Variants in PDZRN3 observed in about 807,000 individuals in gnomAD.
PDZRN3 encodes the protein PDZ domain containing ring finger 3.
In PDZRN3, 38 loss-of-function variants were observed where a neutral mutation model predicts 85.7. The ratio of observed to expected loss-of-function variants is 0.44; its 90% confidence interval spans 0.34 to 0.58. PDZRN3 has a LOEUF of 0.58. PDZRN3 is among the 20% of genes least tolerant of loss of function. The pLI is 0.01. For missense variants in PDZRN3, 1,629 were observed against 1,506.4 expected, an observed-to-expected ratio of 1.08 and a Z score of -1.35; for synonymous variants, 759 against 638.0, an observed-to-expected ratio of 1.19 and a Z score of -2.86.
At chr3:73,544,096 C>T (rs1701359585) in intron 3 of PDZRN3, among the ~76,000 whole-genome samples, 1 of 152,126 alleles carries the variant, frequency 6.6e-6, no homozygotes, top group South Asian at 2.1e-4. Flanking sequence ...ACCTGTAATC[C>T]CAGCTACTCA....
intron 3 of PDZRN3, among the ~76,000 whole-genome samples, chr3:73,463,768 C>T (rs1703153560): frequency 1.3e-5 from 2 of 152,218 alleles, no homozygotes; most frequent in South Asian, 2.1e-4. Context: ...TGGAATCAAC[C>T]TAAATGCCTA....
At chr3:73,618,349 G>C (rs961932566) in intron 1 of PDZRN3, among the ~76,000 whole-genome samples, 1 of 152,102 alleles carries the variant, frequency 6.6e-6, no homozygotes, top group African/African-American at 2.4e-5. Context: ...TTCAGAGAAG[G>C]GCACCGCCCC....
chr3:73,533,917 C>T (rs1371667193), intron 3 of PDZRN3, among the ~76,000 whole-genome samples: 1 of 151,980 alleles, frequency 6.6e-6, no homozygotes, highest in East Asian at 1.9e-4. Flanking sequence ...GTAGTCCCTA[C>T]CCCCAATTCC....
At chr3:73,559,327 G>A (rs1290323010) in intron 3 of PDZRN3, among the ~76,000 whole-genome samples, 1 of 151,960 alleles carries the variant, frequency 6.6e-6, no homozygotes, top group Non-Finnish European at 1.5e-5. Flanking sequence ...TTTTGTTTCT[G>A]GTGCCATTTT....
intron 3 of PDZRN3, among the ~76,000 whole-genome samples, chr3:73,465,824 T>C (rs972984832): frequency 3.3e-5 from 5 of 152,258 alleles, no homozygotes; most frequent in Non-Finnish European, 2.9e-5. Flanking sequence ...ATAAGTTTTG[T>C]TGGTCACTAG....
chr3:73,477,335 T>C (rs1455625857), intron 3 of PDZRN3, among the ~76,000 whole-genome samples: 1 of 152,146 alleles, frequency 6.6e-6, no homozygotes, highest in African/African-American at 2.4e-5. Context: ...AAAATATAAA[T>C]TCCGGGTCTC....
chr3:73,495,090 G>C (rs538568464), intron 3 of PDZRN3, among the ~76,000 whole-genome samples: 1 of 152,228 alleles, frequency 6.6e-6, no homozygotes, highest in Non-Finnish European at 1.5e-5. Context: ...TGGGTGACGG[G>C]ATCAAGCATA....
intron 3 of PDZRN3, among the ~76,000 whole-genome samples, chr3:73,418,261 T>C (rs1702131430): frequency 6.6e-6 from 1 of 152,166 alleles, no homozygotes; most frequent in Non-Finnish European, 1.5e-5. Context: ...ACACCTGACT[T>C]ATACATAGGA....
intron 3 of PDZRN3, among the ~76,000 whole-genome samples, chr3:73,406,990 C>T (rs1013860766): frequency 6.6e-6 from 1 of 152,220 alleles, no homozygotes; most frequent in African/African-American, 2.4e-5. Flanking sequence ...GCTAAAAGAA[C>T]TCTTTGTTAC....
At chr3:73,470,555 C>G (rs532661752) in intron 3 of PDZRN3, among the ~76,000 whole-genome samples, 2 of 152,260 alleles carry the variant, frequency 1.3e-5, no homozygotes, top group South Asian at 4.1e-4. Context: ...TGTAACTTTC[C>G]AAAGCCTAAT....
intron 9 of PDZRN3, 130 bp from the exon 10 acceptor site, chr3:73,385,060 CAGT>C: frequency 9.6e-7 from 1 of 1,039,534 alleles, no homozygotes; most frequent in African/African-American, 1.6e-5. Context: ...CAGCATCTGA[CAGT>C]AGGACCACGT....
Position 73,385,768 on chromosome 3 carries a change from C to T in PDZRN3, c.1536G>A (p.Met512Ile), listed in dbSNP as rs778634013. ...RPELQLDEGWMDDDRNDFLDD... is the reference protein window; with the variant it reads ...RPELQLDEGWIDDDRNDFLDD... ...CCAGAAAGTCGTTCCTGTCATCATC[C>T]ATCCAGCCCTCATCCAGCTGCAGGC... The change falls in exon 9 of 10, where the codon ATG becomes ATA. Residue 512 changes from methionine to isoleucine, a missense_variant. Physicochemically the swap from Met to Ile is conservative, Grantham distance 10 (BLOSUM62 1). Transcript: ENST00000263666. 51 of 1,611,174 alleles carry T rather than the reference C, an allele frequency of 3.2e-5. No homozygotes were observed. Among genetic ancestry groups the T allele is most frequent in the Non-Finnish European group, 4.2e-5 (49 of 1,177,388 alleles).
At chr3:73,455,285 T>C (rs932209982) in intron 3 of PDZRN3, among the ~76,000 whole-genome samples, 1 of 152,232 alleles carries the variant, frequency 6.6e-6, no homozygotes, top group African/African-American at 2.4e-5. Context: ...ATTTTCAGTT[T>C]GTAGACAAGA....
intron 3 of PDZRN3, chr3:73,569,635 C>A: frequency 1.1e-6 from 1 of 926,666 alleles, no homozygotes; most frequent in Non-Finnish European, 1.3e-6. Context: ...GGGGTCTTCT[C>A]CAGGCAGGAC....
intron 3 of PDZRN3, among the ~76,000 whole-genome samples, chr3:73,442,031 A>T (rs9818674): frequency 6.6e-6 from 1 of 152,106 alleles, no homozygotes; most frequent in Non-Finnish European, 1.5e-5. Context: ...TGTGAATGTG[A>T]CCAATGTATC....
At chr3:73,621,555 T>C (rs1460723090) in intron 1 of PDZRN3, among the ~76,000 whole-genome samples, 1 of 152,132 alleles carries the variant, frequency 6.6e-6, no homozygotes, top group Non-Finnish European at 1.5e-5. Flanking sequence ...GGGAGGAGTT[T>C]TATGGTTGAC....
At position 73,521,786 on chromosome 3, in the gene PDZRN3, C is replaced by A. The variant is rs138283534; in HGVS notation, c.918+80568G>T. Among the ~76,000 whole-genome samples, 284 of 152,226 alleles carry A rather than the reference C, an allele frequency of 1.9e-3. 1 individual carries two copies. The highest frequency in any genetic ancestry group is 6.5e-3 in the African/African-American group (268 of 41,526). On this transcript the variant is annotated intron_variant, in intron 3 of 9. Transcript: ENST00000263666. ...TGTTTTGTCTCTGTATCTTTCCTGC[C>A]CAAATTGGGGCTGTCATGCAGTAGC...
intron 3 of PDZRN3, among the ~76,000 whole-genome samples, chr3:73,581,605 A>G (rs1036954112): frequency 2.0e-5 from 3 of 152,218 alleles, no homozygotes; most frequent in Admixed American, 2.0e-4. Flanking sequence ...GTCCAAAAAA[A>G]TGCAGAACTA....
chr3:73,402,027 C>G (rs1203300979), intron 4 of PDZRN3: 1 of 152,216 alleles, frequency 6.6e-6, no homozygotes, highest in South Asian at 2.1e-4. Context: ...GCTTTTAGTA[C>G]TGAGGATACT....
Sources: allele counts gnomAD v4.1 joint callset (sites outside exome capture counted in the v4.1 genomes callset), GRCh38; gene constraint gnomAD v4.1.1; transcripts MANE v1.5; gene names NCBI Gene and HGNC (gene_info 2026-07-23, HGNC 2026-07-21).